The following STRBP variants were observed in gnomAD, a reference collection of about 807,000 sequenced individuals.
The protein encoded by STRBP is spermatid perinuclear RNA-binding protein.
A neutral mutation model predicts 80.1 loss-of-function variants in STRBP; 13 were observed. That is an observed-to-expected ratio of 0.16 (90% confidence interval 0.11 to 0.26). The LOEUF (loss-of-function observed/expected upper bound fraction) is 0.26, where lower values mean the gene tolerates loss of function less well. Ranked by LOEUF, STRBP falls within the 10% of genes least tolerant of loss-of-function variation. STRBP has a pLI of 1.00. For synonymous variants in STRBP, 284 were observed against 291.2 expected, an observed-to-expected ratio of 0.98 and a Z score of 0.25; for missense variants, 485 against 815.2, an observed-to-expected ratio of 0.59 and a Z score of 4.93.
intron 3 of STRBP, among the ~76,000 whole-genome samples, chr9:123,180,408 T>TA (rs1451056664): frequency 6.6e-6 from 1 of 152,192 alleles, no homozygotes; most frequent in Non-Finnish European, 1.5e-5. Context: ...ATTTTTTAAA[T>TA]AGACTAGTGG....
intron 13 of STRBP, among the ~76,000 whole-genome samples, chr9:123,140,743 G>A (rs1374818928): frequency 6.6e-6 from 1 of 152,094 alleles, no homozygotes; most frequent in East Asian, 1.9e-4. Context: ...TACCTCCAAC[G>A]TTCAAACTTC....
intron 2 of STRBP, among the ~76,000 whole-genome samples, chr9:123,203,380 T>G (rs2039396863): frequency 6.6e-6 from 1 of 151,700 alleles, no homozygotes; most frequent in Non-Finnish European, 1.5e-5. Flanking sequence ...CTAAATTACG[T>G]AACAGCATTC....
chr9:123,220,264 T>C (rs1405515675), intron 2 of STRBP, among the ~76,000 whole-genome samples: 1 of 152,244 alleles, frequency 6.6e-6, no homozygotes, highest in African/African-American at 2.4e-5. Flanking sequence ...GGCAATTTCA[T>C]CATTGTGTGA....
intron 3 of STRBP, chr9:123,114,583 T>G (rs560106105): frequency 6.0e-6 from 1 of 167,226 alleles, no homozygotes; most frequent in South Asian, 2.1e-4. Flanking sequence ...CCACTGCCAA[T>G]GGAGATGCCA....
At chr9:123,158,198 G>A in intron 10 of STRBP, 75 bp from the exon 11 acceptor site, 1 of 1,486,750 alleles carries the variant, frequency 6.7e-7, no homozygotes, top group Non-Finnish European at 9.3e-7. Flanking sequence ...TAGCTAAAAA[G>A]ACACTCATAA....
intron 2 of STRBP, among the ~76,000 whole-genome samples, chr9:123,221,726 T>C (rs762726437): frequency 9.9e-5 from 15 of 152,222 alleles, no homozygotes; most frequent in Non-Finnish European, 1.8e-4. Context: ...GATTGTTTCT[T>C]CATTTCCGGC....
chr9:123,227,083 C>A (rs1049439310), intron 2 of STRBP, among the ~76,000 whole-genome samples: 9 of 152,188 alleles, frequency 5.9e-5, no homozygotes, highest in African/African-American at 2.2e-4. Context: ...TAGGTCTCAC[C>A]TCCCCAAGTT....
At position 123,268,431 on chromosome 9, in the gene STRBP, C is replaced by G. The variant is rs1409090327; in HGVS notation, c.-302+5G>C. 1 of 153,196 alleles carries G rather than the reference C, an allele frequency of 6.5e-6. No homozygotes were observed. Among genetic ancestry groups the G allele is most frequent in the Non-Finnish European group, 1.4e-5 (1 of 70,246 alleles). The allele number at this position is 153,196 out of a possible 1,614,324, so 9.5% of individuals were successfully genotyped here. ...GCAGGCGCCCGCCCCGCCGCCGGAGCCTACCCGCGCCGCCGCGCTCTGCCC... is the reference window on the plus strand; with the variant it reads ...GCAGGCGCCCGCCCCGCCGCCGGAGGCTACCCGCGCCGCCGCGCTCTGCCC... On this transcript the variant is annotated splice_donor_5th_base_variant and intron_variant, in intron 1 of 18. Transcript: ENST00000348403.
At chr9:123,165,836 T>C (rs1213870839) in intron 6 of STRBP, among the ~76,000 whole-genome samples, 4 of 152,130 alleles carry the variant, frequency 2.6e-5, no homozygotes, top group Non-Finnish European at 4.4e-5. Flanking sequence ...AGCTACCCCA[T>C]AGGGCCATGT....
At chr9:123,213,538 T>A (rs2039785234) in intron 2 of STRBP, 1 of 152,162 alleles carries the variant, frequency 6.6e-6, no homozygotes, top group Non-Finnish European at 1.5e-5. Context: ...AGAATATGAT[T>A]ATACCAACTG....
chr9:123,122,897 A>AG lies in STRBP; in HGVS notation c.*2699dup, dbSNP rs2035776011. 4.1e-6 allele frequency: 4 copies of AG among 985,450 alleles called. No individual in the cohort carries two copies. Among genetic ancestry groups the AG allele is most frequent in the Non-Finnish European group, 4.8e-6 (4 of 830,024 alleles). The allele number at this position is 985,450 out of a possible 1,614,324, so 61.0% of individuals were successfully genotyped here. ...TCCCTGACAAGAAACTATGCTAAAA[A>AG]GGGGTTAAGTACAGATATTGCTAGG... On this transcript the variant is annotated 3_prime_UTR_variant, in exon 19 of 19. Transcript: ENST00000348403.
intron 2 of STRBP, among the ~76,000 whole-genome samples, chr9:123,200,170 C>T (rs1309889129): frequency 3.9e-5 from 6 of 152,052 alleles, no homozygotes; most frequent in Non-Finnish European, 8.8e-5. Flanking sequence ...TGTGCTGTAT[C>T]ACATTTACTG....
intron 2 of STRBP, among the ~76,000 whole-genome samples, chr9:123,218,910 A>C (rs956128076): frequency 6.6e-6 from 1 of 152,196 alleles, no homozygotes; most frequent in Non-Finnish European, 1.5e-5. Context: ...ATATCATTTC[A>C]TTTATCCTTG....
At chr9:123,188,134 G>A (rs1029735829) in intron 2 of STRBP, among the ~76,000 whole-genome samples, 1 of 151,910 alleles carries the variant, frequency 6.6e-6, no homozygotes, top group African/African-American at 2.4e-5. Context: ...GTAGCCTTTT[G>A]AGACTAGCTT....
At chr9:123,229,989 GGA>G (rs1473295055) in intron 2 of STRBP, among the ~76,000 whole-genome samples, 2 of 152,172 alleles carry the variant, frequency 1.3e-5, no homozygotes, top group African/African-American at 4.8e-5. Context: ...CAGATTAGGA[GGA>G]GAGTCAGATT....
At chr9:123,167,188 G>A (rs1302755961) in intron 6 of STRBP, among the ~76,000 whole-genome samples, 1 of 151,906 alleles carries the variant, frequency 6.6e-6, no homozygotes, top group African/African-American at 2.4e-5. Context: ...GATGTGAGGT[G>A]TGTATGTATT....
At chr9:123,154,949 T>C (rs1299898431) in intron 11 of STRBP, among the ~76,000 whole-genome samples, 2 of 152,136 alleles carry the variant, frequency 1.3e-5, no homozygotes, top group African/African-American at 4.8e-5. Flanking sequence ...TGCAGCAGGT[T>C]TTTACGCTGA....
chr9:123,222,796 C>A (rs187974935), intron 2 of STRBP, among the ~76,000 whole-genome samples: 24 of 152,218 alleles, frequency 1.6e-4, no homozygotes, highest in Non-Finnish European at 2.9e-4. Context: ...CTTATGAAAT[C>A]TACCAAATTT....
At chr9:123,226,890 A>G (rs1588130289) in intron 2 of STRBP, among the ~76,000 whole-genome samples, 1 of 152,216 alleles carries the variant, frequency 6.6e-6, no homozygotes, top group Non-Finnish European at 1.5e-5. Context: ...TCATGGTTCT[A>G]GAGTCTTGGA....
Sources: allele counts gnomAD v4.1 joint callset (sites outside exome capture counted in the v4.1 genomes callset), GRCh38; gene constraint gnomAD v4.1.1; transcripts MANE v1.5; gene names NCBI Gene and HGNC (gene_info 2026-07-23, HGNC 2026-07-21).